The following GRIP1 variants were observed in gnomAD, a reference collection of about 807,000 sequenced individuals.
GRIP1 encodes glutamate receptor interacting protein 1, also known as glutamate receptor-interacting protein 1.
In GRIP1, 45 loss-of-function variants were observed where a neutral mutation model predicts 129.9. That is an observed-to-expected ratio of 0.35 (90% CI 0.27 to 0.44). The LOEUF (loss-of-function observed/expected upper bound fraction) is 0.44, where lower values mean the gene tolerates loss of function less well. Ranked by LOEUF, GRIP1 falls within the 20% of genes least tolerant of loss-of-function variation. The pLI is 1.00. For synonymous variants in GRIP1, 530 were observed against 520.8 expected, an observed-to-expected ratio of 1.02 and a Z score of -0.24; for missense variants, 1,196 against 1,396.8, an observed-to-expected ratio of 0.86 and a Z score of 2.29.
chr12:66,657,531 C>G (rs2033237124), intron 1 of GRIP1, among the ~76,000 whole-genome samples: 1 of 152,182 alleles, frequency 6.6e-6, no homozygotes, highest in Non-Finnish European at 1.5e-5. Context: ...ATAGATCTTT[C>G]AGGTCTGTTA....
intron 19 of GRIP1, among the ~76,000 whole-genome samples, chr12:66,382,861 T>C (rs906959920): frequency 1.3e-5 from 2 of 152,336 alleles, no homozygotes; most frequent in South Asian, 2.1e-4. Flanking sequence ...AGTGTCATCC[T>C]TTTAGTCTTA....
chr12:66,618,870 T>G (rs1366239758), intron 1 of GRIP1, among the ~76,000 whole-genome samples: 1 of 152,122 alleles, frequency 6.6e-6, no homozygotes, highest in African/African-American at 2.4e-5. Context: ...AAATGAGATG[T>G]TCAGTAGCTA....
chr12:66,754,573 G>C (rs115843109), intron 1 of GRIP1, among the ~76,000 whole-genome samples: 1 of 152,132 alleles, frequency 6.6e-6, no homozygotes, highest in African/African-American at 2.4e-5. Context: ...GCAGAGAGCC[G>C]TCACTACACT....
chr12:66,594,949 T>C (rs901864212), intron 2 of GRIP1, among the ~76,000 whole-genome samples: 2 of 152,200 alleles, frequency 1.3e-5, no homozygotes, highest in African/African-American at 4.8e-5. Flanking sequence ...CAGGAGGCAA[T>C]TTCCAAGAAG....
chr12:66,934,540 A>T (rs1034661760), intron 1 of GRIP1, among the ~76,000 whole-genome samples: 12 of 152,344 alleles, frequency 7.9e-5, no homozygotes, highest in Admixed American at 2.0e-4. Context: ...TGCCCTTCAC[A>T]TGCCAAAGAC....
chr12:67,064,974 T>C (rs1592534906), intron 1 of GRIP1: 1 of 139,796 alleles, frequency 7.2e-6, no homozygotes, highest in East Asian at 2.2e-4. Context: ...CATTGTTCAA[T>C]TCCCACCTAT....
chr12:66,856,437 C>G (rs968811090), intron 1 of GRIP1, among the ~76,000 whole-genome samples: 1 of 152,144 alleles, frequency 6.6e-6, no homozygotes, highest in East Asian at 1.9e-4. Flanking sequence ...CAACAGCCAA[C>G]CTACAGAATG....
chr12:66,910,308 T>C (rs1318811567), intron 1 of GRIP1, among the ~76,000 whole-genome samples: 2 of 152,200 alleles, frequency 1.3e-5, no homozygotes, highest in African/African-American at 4.8e-5. Context: ...AGGGCCTATA[T>C]CTATCTTCAG....
intron 5 of GRIP1, among the ~76,000 whole-genome samples, chr12:66,525,125 T>A (rs995535538): frequency 3.3e-5 from 5 of 152,316 alleles, no homozygotes; most frequent in Middle Eastern, 3.4e-3. Flanking sequence ...GTGCCATTCC[T>A]TCTGAAATTA....
rs905748774 is a variant in GRIP1 at position 66,788,184 on chromosome 12, C to T, written c.-420+15869G>A. ...AACAGAATTCTGCTGCACCTACTAT[C>T]GGGACAACACTGAGACTCTTTTTTG... On this transcript the variant is annotated intron_variant, in intron 1 of 4. Transcript: ENST00000538373. Among the ~76,000 whole-genome samples the T allele has an allele frequency of 5.3e-5, 8 of 151,454 alleles. No homozygotes were observed. The East Asian group carries it at 5.8e-4, about 11-fold the overall frequency.
At chr12:66,426,660 T>C (rs1408362895) in intron 14 of GRIP1, among the ~76,000 whole-genome samples, 1 of 152,208 alleles carries the variant, frequency 6.6e-6, no homozygotes, top group African/African-American at 2.4e-5. Context: ...TCTGTTTATA[T>C]TAAAGAGTGT....
intron 13 of GRIP1, among the ~76,000 whole-genome samples, chr12:66,434,394 G>A (rs1007840637): frequency 5.9e-5 from 9 of 152,128 alleles, no homozygotes; most frequent in Non-Finnish European, 1.0e-4. Context: ...CTTTGACTTC[G>A]GGGTTGTCTT....
intron 1 of GRIP1, among the ~76,000 whole-genome samples, chr12:66,951,647 T>C (rs183238505): frequency 1.3e-5 from 2 of 152,332 alleles, no homozygotes; most frequent in Non-Finnish European, 2.9e-5. Context: ...GAAAAACTAG[T>C]CTGGAGATTA....
At chr12:66,799,255 A>G (rs1184080878) in intron 1 of GRIP1, among the ~76,000 whole-genome samples, 4 of 151,732 alleles carry the variant, frequency 2.6e-5, no homozygotes, top group African/African-American at 9.7e-5. Flanking sequence ...ATAGCCAATC[A>G]ATTTTCAACA....
chr12:66,808,346 G>A (rs2039036738), upstream of GRIP1, among the ~76,000 whole-genome samples: 1 of 152,092 alleles, frequency 6.6e-6, no homozygotes, highest in African/African-American at 2.4e-5. Flanking sequence ...CACCCAGGGT[G>A]GAGTGCAGTA....
intron 1 of GRIP1, among the ~76,000 whole-genome samples, chr12:67,017,890 G>A (rs1044126064): frequency 1.3e-5 from 2 of 152,084 alleles, no homozygotes; most frequent in African/African-American, 4.8e-5. Flanking sequence ...AGAACATCCC[G>A]GATACCACAT....
At chr12:66,848,491 T>C (rs1415097421) in intron 1 of GRIP1, among the ~76,000 whole-genome samples, 1 of 152,042 alleles carries the variant, frequency 6.6e-6, no homozygotes, top group African/African-American at 2.4e-5. Context: ...ATGGAAAATC[T>C]ATGGTAGGTA....
chr12:67,060,477 C>A (rs1018252840), intron 1 of GRIP1, among the ~76,000 whole-genome samples: 5 of 152,114 alleles, frequency 3.3e-5, no homozygotes, highest in African/African-American at 1.2e-4. Flanking sequence ...TAAGCATCAG[C>A]AGTTTACATG....
At chr12:66,520,737 T>C (rs956321984) in intron 5 of GRIP1, among the ~76,000 whole-genome samples, 9 of 152,242 alleles carry the variant, frequency 5.9e-5, no homozygotes, top group Non-Finnish European at 1.2e-4. Flanking sequence ...ATTCTGTTTA[T>C]TTCTTGATAA....
Sources: allele counts gnomAD v4.1 joint callset (sites outside exome capture counted in the v4.1 genomes callset), GRCh38; gene constraint gnomAD v4.1.1; transcripts MANE v1.5; gene names NCBI Gene and HGNC (gene_info 2026-07-23, HGNC 2026-07-21).